PACC1: variants seen among roughly 807,000 people sequenced by gnomAD.
PACC1 encodes proton activated chloride channel 1.
In PACC1, 34 loss-of-function variants were observed where a neutral mutation model predicts 39.7. The ratio of observed to expected loss-of-function variants is 0.86; its 90% CI spans 0.65 to 1.14. The LOEUF is 1.14. PACC1 is among the 50% of genes most tolerant of loss of function. PACC1 has a pLI of 0.00. For synonymous variants in PACC1, 127 were observed against 160.6 expected, an observed-to-expected ratio of 0.79 and a Z score of 1.58; for missense variants, 379 against 436.4, an observed-to-expected ratio of 0.87 and a Z score of 1.17.
At chr1:212,380,137 G>T in intron 4 of PACC1, 100 bp from the exon 5 acceptor site, 1 of 1,298,734 alleles carries the variant, frequency 7.7e-7, no homozygotes, top group South Asian at 1.4e-5. Context: ...ATAGCTCCTT[G>T]CCCAGTGGTC....
rs1346908776 is a variant in PACC1 at position 212,375,298 on chromosome 1, T to A, written c.786A>T (p.Thr262=). The A allele has an allele frequency of 3.7e-6, 6 of 1,611,516 alleles. No individual in the cohort carries two copies. The highest frequency in any genetic ancestry group is 2.2e-5 in the East Asian group (1 of 44,870). The change falls in exon 7 of 8, where the codon ACA becomes ACT. Residue 262 remains threonine (T), a splice_region_variant and synonymous_variant. Transcript: ENST00000261455. ...GREAVEFRQE[T]SVVNYIDQRP... is the part of the protein sequence containing the mutation. ...TCTGGTCAATGTAGTTAACCACACT[T>A]GTCTAGATGTGGAGGAGAGAAAGCA...
intron 2 of PACC1, among the ~76,000 whole-genome samples, chr1:212,408,019 A>G (rs1661981590): frequency 6.7e-6 from 1 of 150,226 alleles, no homozygotes; most frequent in African/African-American, 2.5e-5. Context: ...GGTTGCAATG[A>G]GCCGAGACTG....
At chr1:212,375,330 C>G in intron 6 of PACC1, 30 bp from the exon 7 acceptor site, 1 of 1,516,782 alleles carries the variant, frequency 6.6e-7, no homozygotes, top group Non-Finnish European at 9.2e-7. Flanking sequence ...AGCAGTGTTA[C>G]CACCTCTGTG....
intron 1 of PACC1, among the ~76,000 whole-genome samples, chr1:212,410,945 G>A (rs565260887): frequency 4.0e-4 from 61 of 152,186 alleles, no homozygotes; most frequent in African/African-American, 1.3e-3. Context: ...TCCACTCTCC[G>A]CTGCCATCTT....
intron 7 of PACC1, among the ~76,000 whole-genome samples, chr1:212,371,114 G>A (rs900565079): frequency 6.6e-5 from 10 of 151,708 alleles, no homozygotes; most frequent in East Asian, 1.9e-4. Context: ...GCATGGTGGC[G>A]GGTGCCTGCA....
chr1:212,365,428 T>C (rs768870660), intron 7 of PACC1, 52 bp from the exon 8 acceptor site: 1 of 1,351,752 alleles, frequency 7.4e-7, no homozygotes, highest in Non-Finnish European at 9.9e-7. Flanking sequence ...CAGTCTTGAT[T>C]CTTTTTTTTT....
chr1:212,388,967 C>G (rs897722835), intron 2 of PACC1, among the ~76,000 whole-genome samples: 1 of 152,136 alleles, frequency 6.6e-6, no homozygotes, highest in East Asian at 1.9e-4. Context: ...CCAACAGTGA[C>G]AGAGTAGCAG....
chr1:212,408,146 T>G (rs930828221), intron 2 of PACC1, among the ~76,000 whole-genome samples: 3 of 151,466 alleles, frequency 2.0e-5, no homozygotes, highest in Admixed American at 6.6e-5. Flanking sequence ...TTTGACTCAG[T>G]CTGTGTTTAC....
intron 1 of PACC1, among the ~76,000 whole-genome samples, chr1:212,413,416 AAGAC>A (rs1315527780): frequency 7.4e-6 from 1 of 134,610 alleles, no homozygotes; most frequent in East Asian, 2.1e-4. Context: ...ACTATTGACT[AAGAC>A]AGAAGGCAGC....
chr1:212,381,894 A>G (rs182703062), intron 4 of PACC1, among the ~76,000 whole-genome samples: 1 of 152,352 alleles, frequency 6.6e-6, no homozygotes, highest in East Asian at 1.9e-4. Flanking sequence ...CCACTACGCC[A>G]CACGGCCTGC....
intron 1 of PACC1, among the ~76,000 whole-genome samples, chr1:212,411,484 C>T (rs567923089): frequency 2.4e-4 from 37 of 152,194 alleles, no homozygotes; most frequent in Non-Finnish European, 4.7e-4. Flanking sequence ...TCTCACCTGT[C>T]AAATGGGGAA....
chr1:212,409,340 G>A (rs1470651365), intron 2 of PACC1, among the ~76,000 whole-genome samples: 1 of 152,098 alleles, frequency 6.6e-6, no homozygotes, highest in Non-Finnish European at 1.5e-5. Flanking sequence ...GGTTAGAGAA[G>A]GCTCTGTGGA....
chr1:212,374,889 C>T (rs1042156062), intron 7 of PACC1, among the ~76,000 whole-genome samples: 9 of 152,186 alleles, frequency 5.9e-5, no homozygotes, highest in Non-Finnish European at 8.8e-5. Flanking sequence ...TTGCACTAAG[C>T]ACTCCACTAT....
At chr1:212,382,094 A>G (rs1037489217) in intron 4 of PACC1, among the ~76,000 whole-genome samples, 2 of 151,642 alleles carry the variant, frequency 1.3e-5, no homozygotes, top group African/African-American at 4.9e-5. Context: ...GCTGGAGTGC[A>G]CTGGCGTGAT....
At chr1:212,399,813 GGATTACAGGCGT>G (rs1047388475) in intron 2 of PACC1, among the ~76,000 whole-genome samples, 5 of 152,126 alleles carry the variant, frequency 3.3e-5, no homozygotes, top group Non-Finnish European at 5.9e-5. Flanking sequence ...TAAAATGCTG[GGATTACAGGCGT>G]GAGCCACTGT....
chr1:212,401,153 C>T (rs1661695489), intron 2 of PACC1, among the ~76,000 whole-genome samples: 1 of 152,006 alleles, frequency 6.6e-6, no homozygotes, highest in Admixed American at 6.6e-5. Flanking sequence ...GATGTATAAC[C>T]ACCACCACTA....
chr1:212,399,883 T>C (rs1324134819), intron 2 of PACC1, among the ~76,000 whole-genome samples: 3 of 151,992 alleles, frequency 2.0e-5, no homozygotes, highest in Non-Finnish European at 4.4e-5. Context: ...TCACTCTTGT[T>C]GCCCAAGCTA....
chr1:212,365,126 T>C lies in PACC1; in HGVS notation c.*89A>G, dbSNP rs1339188970. The C allele has an allele frequency of 2.2e-6, 3 of 1,390,142 alleles. No individual in the cohort carries two copies. The Admixed American group carries it at 6.2e-5, about 29-fold the overall frequency. 86.1% of individuals were successfully genotyped at this position (1,390,142 alleles called of 1,614,324 possible). A position where few individuals can be genotyped will look rare whatever the true frequency, so the allele number is the denominator to read the frequency against. On this transcript the variant is annotated 3_prime_UTR_variant, in exon 8 of 8. Transcript: ENST00000261455. Reference sequence around the variant, plus strand: ...GCAAGGCCCCATTTCTTCAAGTGAGTACAGGATTGTTGATAGCTCCGTTTA... The same window carrying C: ...GCAAGGCCCCATTTCTTCAAGTGAGCACAGGATTGTTGATAGCTCCGTTTA...
chr1:212,387,387 TAAAA>T (rs1173083536), intron 2 of PACC1, among the ~76,000 whole-genome samples: 1 of 152,072 alleles, frequency 6.6e-6, no homozygotes, highest in Non-Finnish European at 1.5e-5. Flanking sequence ...ATAAAAATGT[TAAAA>T]GAAAAAGCAA....
Sources: allele counts gnomAD v4.1 joint callset (sites outside exome capture counted in the v4.1 genomes callset), GRCh38; gene constraint gnomAD v4.1.1; transcripts MANE v1.5; gene names NCBI Gene and HGNC (gene_info 2026-07-23, HGNC 2026-07-21).